The following ANO10 variants were observed in gnomAD, a reference collection of about 807,000 sequenced individuals.
ANO10 encodes the protein anoctamin-10.
ANO10 carries 77 observed loss-of-function variants against 74.7 expected under a neutral mutation model. The observed-to-expected ratio is 1.03, with a 90% confidence interval of 0.86 to 1.25. The LOEUF (loss-of-function observed/expected upper bound fraction) is 1.25. Ranked by LOEUF, ANO10 falls within the 50% of genes most tolerant of loss-of-function variation. The pLI is 0.00. For missense variants in ANO10, 721 were observed against 778.1 expected (o/e 0.93, Z 0.87); for synonymous variants, 279 against 284.9 (o/e 0.98, Z 0.21).
intron 11 of ANO10, among the ~76,000 whole-genome samples, chr3:43,500,592 T>C (rs1162382642): frequency 1.3e-5 from 2 of 152,186 alleles, no homozygotes; most frequent in African/African-American, 4.8e-5. Context: ...AAGTTAACCT[T>C]AGGCTCAGTG....
At chr3:43,415,155 T>G (rs1311563746) in intron 12 of ANO10, among the ~76,000 whole-genome samples, 2 of 151,712 alleles carry the variant, frequency 1.3e-5, no homozygotes, top group Non-Finnish European at 2.9e-5. Flanking sequence ...TTTTCTATTT[T>G]TAGTGGAAAT....
chr3:43,454,117 C>T lies in ANO10; in HGVS notation c.1798-21390G>A, dbSNP rs1273992084. 2.6e-5 allele frequency among the ~76,000 whole-genome samples: 4 copies of T among 152,130 alleles called. No homozygotes were observed. The East Asian group carries it at 7.7e-4, about 29-fold the overall frequency. ...ACCTGAAGGAAGGAAGCTGGGCAGG[C>T]TTTCTTCTGGGGGAAAAGCATGTTG... On this transcript the variant is annotated intron_variant, in intron 11 of 12. Coordinates refer to ENST00000292246, the MANE Select transcript of ANO10 (RefSeq NM_018075.5).
At chr3:43,690,993 A>G (rs1001974821) in intron 1 of ANO10, 1 of 1,571,294 alleles carries the variant, frequency 6.4e-7, no homozygotes, top group Non-Finnish European at 8.6e-7. Flanking sequence ...GGCGGCGGCT[A>G]TGGCGGCGGA....
At chr3:43,435,851 C>T (rs1021082346) in intron 11 of ANO10, among the ~76,000 whole-genome samples, 77 of 152,310 alleles carry the variant, frequency 5.1e-4, no homozygotes, top group African/African-American at 1.8e-3. Flanking sequence ...CCTACCCCTA[C>T]CCCTAGGCAA....
chr3:43,434,466 G>A (rs1434027850), intron 11 of ANO10, among the ~76,000 whole-genome samples: 1 of 152,156 alleles, frequency 6.6e-6, no homozygotes, highest in Non-Finnish European at 1.5e-5. Context: ...TCTCTTCAGT[G>A]GAAATATCAG....
intron 12 of ANO10, among the ~76,000 whole-genome samples, chr3:43,415,040 T>C (rs1022206716): frequency 1.4e-5 from 2 of 145,892 alleles, no homozygotes; most frequent in Admixed American, 7.2e-5. Context: ...AGTGGCATGA[T>C]CTCGGCTCAC....
chr3:43,565,973 T>TGC (rs948549346), intron 7 of ANO10, among the ~76,000 whole-genome samples: 2 of 152,052 alleles, frequency 1.3e-5, no homozygotes, highest in African/African-American at 4.8e-5. Context: ...GGTCAGTGGG[T>TGC]GCGCGCACCG....
intron 11 of ANO10, among the ~76,000 whole-genome samples, chr3:43,481,755 T>G (rs990659863): frequency 6.6e-6 from 1 of 152,110 alleles, no homozygotes; most frequent in African/African-American, 2.4e-5. Flanking sequence ...TAATAACTCT[T>G]TCAACCAATT....
At chr3:43,452,487 A>C (rs1455698670) in intron 11 of ANO10, among the ~76,000 whole-genome samples, 1 of 152,180 alleles carries the variant, frequency 6.6e-6, no homozygotes, top group African/African-American at 2.4e-5. Context: ...AGTTTCATCC[A>C]TGTTGTGGCA....
chr3:43,410,112 T>A (rs1055383072), intron 12 of ANO10, among the ~76,000 whole-genome samples: 2 of 152,002 alleles, frequency 1.3e-5, no homozygotes, highest in Non-Finnish European at 2.9e-5. Flanking sequence ...GATTACCTTT[T>A]TCTTCCCTTA....
chr3:43,672,684 C>T (rs527503286), intron 1 of ANO10, among the ~76,000 whole-genome samples: 1 of 152,258 alleles, frequency 6.6e-6, no homozygotes, highest in East Asian at 1.9e-4. Context: ...AGTTATTACA[C>T]CTTTGTCATC....
chr3:43,611,372 C>A (rs2082812568), intron 1 of ANO10, among the ~76,000 whole-genome samples: 1 of 152,208 alleles, frequency 6.6e-6, no homozygotes. Context: ...GAGCCTATTA[C>A]ATATGTCAGG....
At chr3:43,450,536 C>T (rs2074815974) in intron 11 of ANO10, among the ~76,000 whole-genome samples, 1 of 152,070 alleles carries the variant, frequency 6.6e-6, no homozygotes, top group African/African-American at 2.4e-5. Flanking sequence ...AGTGAAATTC[C>T]ATCTCAAAAA....
At chr3:43,565,550 G>T (rs917281131) in intron 8 of ANO10, 103 bp downstream of exon 8, 1 of 963,316 alleles carries the variant, frequency 1.0e-6, no homozygotes, top group Non-Finnish European at 1.6e-6. Flanking sequence ...AAATTTAAAA[G>T]ATTTTATTTG....
intron 1 of ANO10, among the ~76,000 whole-genome samples, chr3:43,650,769 T>C (rs2083778447): frequency 6.6e-6 from 1 of 152,208 alleles, no homozygotes; most frequent in Admixed American, 6.5e-5. Context: ...TTGTGTTCAT[T>C]CAACTTTTAA....
intron 11 of ANO10, among the ~76,000 whole-genome samples, chr3:43,449,515 C>CTTTTTTTTTTTTT (rs61265406): frequency 1.7e-4 from 18 of 107,130 alleles, no homozygotes; most frequent in East Asian, 3.0e-4. Flanking sequence ...TATCTAGATT[C>CTTTTTTTTTTTTT]TTTTTTTTTT....
chr3:43,663,382 A>G (rs531030634), intron 1 of ANO10, among the ~76,000 whole-genome samples: 11 of 152,288 alleles, frequency 7.2e-5, no homozygotes, highest in Admixed American at 2.6e-4. Context: ...GTATCAATGG[A>G]ACATATCTCA....
At chr3:43,372,253 C>A (rs1324558727) in intron 12 of ANO10, among the ~76,000 whole-genome samples, 1 of 152,144 alleles carries the variant, frequency 6.6e-6, no homozygotes, top group Non-Finnish European at 1.5e-5. Flanking sequence ...GATGCCTGCT[C>A]CCCCGGCCCA....
chr3:43,678,024 T>C (rs1281711066), intron 1 of ANO10, among the ~76,000 whole-genome samples: 1 of 152,228 alleles, frequency 6.6e-6, no homozygotes, highest in Non-Finnish European at 1.5e-5. Flanking sequence ...CATGGGGTTA[T>C]TTCCTGATAA....
Sources: allele counts gnomAD v4.1 joint callset (sites outside exome capture counted in the v4.1 genomes callset), GRCh38; gene constraint gnomAD v4.1.1; transcripts MANE v1.5; gene names NCBI Gene and HGNC (gene_info 2026-07-23, HGNC 2026-07-21).